The following ADAMTS5 variants were observed in gnomAD, a reference collection of about 807,000 sequenced individuals.
The protein encoded by ADAMTS5 is ADAM metallopeptidase with thrombospondin type 1 motif 5, also known as A disintegrin and metalloproteinase with thrombospondin motifs 5.
A neutral mutation model predicts 81.4 loss-of-function variants in ADAMTS5; 54 were observed. The observed-to-expected ratio is 0.66, with a 90% CI of 0.53 to 0.83. The LOEUF (loss-of-function observed/expected upper bound fraction) is 0.83, where lower values mean the gene tolerates loss of function less well. Among genes scored for constraint, ADAMTS5 ranks in the 40% least tolerant of loss-of-function variants. The pLI, the probability that ADAMTS5 is intolerant of heterozygous loss-of-function variation, is 0.00. For missense variants in ADAMTS5, 1,194 were observed against 1,229.9 expected (o/e 0.97, Z 0.44); for synonymous variants, 532 against 508.8 (o/e 1.05, Z -0.61).
At chr21:26,931,172 G>A (rs193150193) in intron 6 of ADAMTS5, among the ~76,000 whole-genome samples, 59 of 151,984 alleles carry the variant, frequency 3.9e-4, no homozygotes, top group South Asian at 2.1e-4. Flanking sequence ...TCAGCCTCCC[G>A]AGTAGCTGGG....
chr21:26,942,568 CTG>C (rs1437960123), intron 3 of ADAMTS5, among the ~76,000 whole-genome samples: 1 of 152,122 alleles, frequency 6.6e-6, no homozygotes, highest in Admixed American at 6.6e-5. Flanking sequence ...ATCTATCCTC[CTG>C]TGTTTTTATT....
Position 26,922,755 on chromosome 21 carries a change from T to C in ADAMTS5, c.*1298A>G. On this transcript the variant is annotated 3_prime_UTR_variant, in exon 8 of 8. Coordinates refer to ENST00000284987, the MANE Select transcript of ADAMTS5 (RefSeq NM_007038.5). ...ATCACTCAAACACTTACGGGTACAA[T>C]CAAGTGCTTTCCAGTTGGGAAAAAT... is the stretch of plus-strand genomic sequence containing the variant. 6.6e-6 allele frequency: 1 copy of C among 152,530 alleles called. No individual in the cohort carries two copies. The highest frequency in any genetic ancestry group is 1.5e-5 in the Non-Finnish European group (1 of 67,962). 9.4% of individuals were successfully genotyped at this position (152,530 alleles called of 1,614,324 possible). A position where few individuals can be genotyped will look rare whatever the true frequency, so the allele number is the denominator to read the frequency against.
chr21:26,928,127 A>G lies in ADAMTS5; in HGVS notation c.2225+1759T>C, dbSNP rs117078303. Among the ~76,000 whole-genome samples, 291 of 152,296 alleles carry G rather than the reference A, an allele frequency of 1.9e-3. 24 individuals are homozygous for G. In the South Asian group the frequency reaches 0.047, roughly 25 times the overall value. ...ACAACAGTTTTATTAACCATATGAT[A>G]ATAATTACCAGTATTTCCACTTTAC... On this transcript the variant is annotated intron_variant, in intron 7 of 7. Transcript: ENST00000284987.
At position 26,923,860 on chromosome 21, in the gene ADAMTS5, G is replaced by A; in HGVS notation, c.*193C>T. ...ACTCCCAAGTTTTTCTATATTGCAAGGTCACCACTGTCACGTGAAGCAGTG... is the reference window on the plus strand; with the variant it reads ...ACTCCCAAGTTTTTCTATATTGCAAAGTCACCACTGTCACGTGAAGCAGTG... On this transcript the variant is annotated 3_prime_UTR_variant, in exon 8 of 8. Coordinates refer to ENST00000284987, the MANE Select transcript of ADAMTS5 (RefSeq NM_007038.5). 1.8e-6 allele frequency: 1 copy of A among 552,336 alleles called. No homozygotes were observed. The highest frequency in any genetic ancestry group is 3.1e-6 in the Non-Finnish European group (1 of 322,750). The allele number at this position is 552,336 out of a possible 1,614,324, so 34.2% of individuals were successfully genotyped here.
In ADAMTS5 at chr21:26,966,019, G is replaced by A. The variant is rs773946609; in HGVS notation, c.373C>T (p.Arg125Cys). ...PAGGGTSAPW[R>C]HRSHCFYRGT... Reference sequence around the variant, plus strand: ...CGATAGAAGCAGTGGCTCCGGTGGCGCCAGGGCGCACTCGTCCCGCCTCCT... The same window carrying A: ...CGATAGAAGCAGTGGCTCCGGTGGCACCAGGGCGCACTCGTCCCGCCTCCT... Residue 125 changes from arginine (R) to cysteine (C), a missense_variant, in exon 1 of 8, where the codon CGC becomes TGC. By Grantham distance (180) the Arg-to-Cys change is radical. Transcript: ENST00000284987. 1 of 1,612,974 alleles carries A rather than the reference G, an allele frequency of 6.2e-7. No individual in the cohort carries two copies. The highest frequency in any genetic ancestry group is 8.5e-7 in the Non-Finnish European group (1 of 1,179,840).
intron 1 of ADAMTS5, among the ~76,000 whole-genome samples, chr21:26,962,575 C>T (rs566924748): frequency 3.9e-5 from 6 of 152,314 alleles, no homozygotes; most frequent in Admixed American, 2.6e-4. Flanking sequence ...AAAACATATC[C>T]TCGTACATTC....
rs1366671416 is a variant in ADAMTS5 at position 26,929,665 on chromosome 21, C to A, written c.2225+221G>T. ...AAGCTATTGATTCCCATGGCTACTG[C>A]AGTTTATCTGCTTCCAGAGGCAGCA... On this transcript the variant is annotated intron_variant, in intron 7 of 7. Transcript: ENST00000284987. 2.6e-5 allele frequency among the ~76,000 whole-genome samples: 4 copies of A among 152,276 alleles called. 1 individual carries two copies. The South Asian group carries it at 8.3e-4, about 32-fold the overall frequency.
chr21:26,929,525 A>T (rs181727405), intron 7 of ADAMTS5, among the ~76,000 whole-genome samples: 7 of 152,324 alleles, frequency 4.6e-5, no homozygotes, highest in Admixed American at 4.6e-4. Flanking sequence ...AAATATAGTT[A>T]AGATCAAAAC....
chr21:26,936,822 A>G (rs952788330), intron 3 of ADAMTS5, among the ~76,000 whole-genome samples: 8 of 152,224 alleles, frequency 5.3e-5, no homozygotes, highest in African/African-American at 1.9e-4. Context: ...ACAGAGTGCG[A>G]TTAGGGCTTC....
chr21:26,950,890 C>T lies in ADAMTS5; in HGVS notation c.1237+3849G>A, dbSNP rs192599214. Among the ~76,000 whole-genome samples the T allele has an allele frequency of 3.7e-4, 57 of 152,130 alleles. No individual in the cohort carries two copies. The East Asian group carries it at 9.9e-3, about 26-fold the overall frequency. ...TTTTTTTTTAGGTGGGGGGCTCACT[C>T]TGTCACCCAGGCTGGAGTGCAGTGG... On this transcript the variant is annotated intron_variant, in intron 2 of 7. Coordinates refer to ENST00000284987, the MANE Select transcript of ADAMTS5 (RefSeq NM_007038.5).
At chr21:26,927,083 C>T (rs1030016297) in intron 7 of ADAMTS5, among the ~76,000 whole-genome samples, 15 of 152,128 alleles carry the variant, frequency 9.9e-5, no homozygotes, top group Admixed American at 8.5e-4. Flanking sequence ...AAACTCCAGA[C>T]ACTAACCAGC....
At chr21:26,944,003 T>C (rs921841211) in intron 2 of ADAMTS5, among the ~76,000 whole-genome samples, 3 of 152,190 alleles carry the variant, frequency 2.0e-5, no homozygotes, top group Admixed American at 6.5e-5. Flanking sequence ...GCTGTGCAAG[T>C]TGCAAACACT....
In ADAMTS5 at chr21:26,923,890, TC is replaced by T; in HGVS notation, c.*162del. Reference sequence around the variant, plus strand: ...CCACTGTCACGTGAAGCAGTGCACATCCTCTTTTGGTCACAGAGAGCAGATT... The same window carrying T: ...CCACTGTCACGTGAAGCAGTGCACATCTCTTTTGGTCACAGAGAGCAGATT... On this transcript the variant is annotated 3_prime_UTR_variant, in exon 8 of 8. Coordinates refer to ENST00000284987, the MANE Select transcript of ADAMTS5 (RefSeq NM_007038.5). The T allele has an allele frequency of 1.4e-6, 1 of 699,134 alleles. No individual in the cohort carries two copies. Among genetic ancestry groups the T allele is most frequent in the Non-Finnish European group, 2.3e-6 (1 of 435,654 alleles). 43.3% of individuals were successfully genotyped at this position (699,134 alleles called of 1,614,324 possible).
chr21:26,953,612 A>G (rs1244660487), intron 2 of ADAMTS5, among the ~76,000 whole-genome samples: 2 of 152,198 alleles, frequency 1.3e-5, no homozygotes, highest in East Asian at 3.9e-4. Context: ...TTTAAAAGTT[A>G]TAATTTTAAC....
chr21:26,935,726 C>G (rs191787245), intron 3 of ADAMTS5, among the ~76,000 whole-genome samples: 1 of 152,124 alleles, frequency 6.6e-6, no homozygotes, highest in Non-Finnish European at 1.5e-5. Context: ...TCCTCTTCCT[C>G]TCCTTCCCCT....
chr21:26,934,875 A>G, intron 3 of ADAMTS5, 126 bp from the exon 4 acceptor site: 6 of 1,294,142 alleles, frequency 4.6e-6, no homozygotes, highest in Non-Finnish European at 6.3e-6. Context: ...CTGTAGTGTA[A>G]TGCTCTGGAG....
At chr21:26,930,180 G>T in intron 6 of ADAMTS5, 119 bp from the exon 7 acceptor site, 1 of 646,506 alleles carries the variant, frequency 1.5e-6, no homozygotes, top group Non-Finnish European at 2.2e-6. Context: ...ACAGTCCATT[G>T]AAAAAAAAAA....
intron 7 of ADAMTS5, among the ~76,000 whole-genome samples, chr21:26,927,264 T>A (rs1352936701): frequency 6.6e-6 from 1 of 152,150 alleles, no homozygotes; most frequent in African/African-American, 2.4e-5. Flanking sequence ...GGAAGGGATG[T>A]TTTAGTCCGC....
intron 2 of ADAMTS5, 38 bp from the exon 3 acceptor site, chr21:26,943,585 A>G: frequency 6.4e-7 from 1 of 1,572,684 alleles, no homozygotes; most frequent in Non-Finnish European, 8.7e-7. Flanking sequence ...ATAATCCGTG[A>G]TTGTGTATTT....
Sources: gnomAD v4.1 joint callset for allele counts (sites outside exome capture counted in the v4.1 genomes callset) on GRCh38, gnomAD v4.1.1 for gene constraint, MANE v1.5 for transcripts, NCBI Gene and HGNC (gene_info 2026-07-23, HGNC 2026-07-21) for gene names.